CRACR2A: variants seen among roughly 807,000 people sequenced by gnomAD.
The protein encoded by CRACR2A is calcium release activated channel regulator 2A, also known as EF-hand calcium-binding domain-containing protein 4B.
A neutral mutation model predicts 90.5 loss-of-function variants in CRACR2A; 79 were observed. The ratio of observed to expected loss-of-function variants is 0.87; its 90% CI spans 0.73 to 1.05. The LOEUF (loss-of-function observed/expected upper bound fraction) is 1.05, where lower values mean the gene tolerates loss of function less well. Ranked by LOEUF, CRACR2A falls within the 50% of genes least tolerant of loss-of-function variation. The pLI is 0.00. For synonymous variants in CRACR2A, 338 were observed against 356.7 expected (o/e 0.95, Z 0.59); for missense variants, 823 against 897.2 (o/e 0.92, Z 1.06).
At chr12:3,677,075 C>G (rs1048033292) in intron 6 of CRACR2A, among the ~76,000 whole-genome samples, 4 of 152,092 alleles carry the variant, frequency 2.6e-5, no homozygotes, top group African/African-American at 9.7e-5. Context: ...AGTCAAAGTG[C>G]AGATGCCCAG....
intron 6 of CRACR2A, among the ~76,000 whole-genome samples, chr12:3,677,114 AC>A (rs908700350): frequency 6.6e-6 from 1 of 151,940 alleles, no homozygotes; most frequent in Non-Finnish European, 1.5e-5. Flanking sequence ...CACCAAGGCC[AC>A]CCCTCCTGGG....
At chr12:3,743,740 T>C (rs781098748) in intron 1 of CRACR2A, among the ~76,000 whole-genome samples, 1 of 152,150 alleles carries the variant, frequency 6.6e-6, no homozygotes, top group Admixed American at 6.5e-5. Flanking sequence ...CAGAAGTTTG[T>C]TGAATGCTTT....
intron 4 of CRACR2A, among the ~76,000 whole-genome samples, chr12:3,696,016 AAATATCAAAAGAAT>A (rs1945733689): frequency 6.6e-6 from 1 of 152,264 alleles, no homozygotes; most frequent in South Asian, 2.1e-4. Flanking sequence ...GGTCAAAAAG[AAATATCAAAAGAAT>A]AACAGTACTT....
At chr12:3,714,722 T>A (rs1045943250) in intron 2 of CRACR2A, among the ~76,000 whole-genome samples, 1 of 152,240 alleles carries the variant, frequency 6.6e-6, no homozygotes, top group Non-Finnish European at 1.5e-5. Flanking sequence ...TATTTTTTAA[T>A]GAGAAGATTG....
At chr12:3,666,411 C>A (rs1945152769) in intron 7 of CRACR2A, among the ~76,000 whole-genome samples, 1 of 151,632 alleles carries the variant, frequency 6.6e-6, no homozygotes, top group Non-Finnish European at 1.5e-5. Context: ...ACATCTGGTG[C>A]TGGGTTACTG....
rs184311357 is a variant in CRACR2A at position 3,672,874 on chromosome 12, C to T, written c.671+572G>A. 43 of 907,550 alleles carry T rather than the reference C, an allele frequency of 4.7e-5. No individual in the cohort carries two copies. The East Asian group carries it at 1.3e-3, about 28-fold the overall frequency. The allele number at this position is 907,550 out of a possible 1,614,324, so 56.2% of individuals were successfully genotyped here. A position where few individuals can be genotyped will look rare whatever the true frequency, so the allele number is the denominator to read the frequency against. ...TAGGGTAGACGAAGAGACATGAGGCCGTGACGGGAGAGAGCGGCCAGGAGG... is the reference window on the plus strand; with the variant it reads ...TAGGGTAGACGAAGAGACATGAGGCTGTGACGGGAGAGAGCGGCCAGGAGG... On this transcript the variant is annotated intron_variant, in intron 7 of 19. Transcript: ENST00000440314.
At chr12:3,639,028 C>G (rs1349755612) in intron 13 of CRACR2A, among the ~76,000 whole-genome samples, 1 of 152,170 alleles carries the variant, frequency 6.6e-6, no homozygotes, top group African/African-American at 2.4e-5. Context: ...TAAGTCAATG[C>G]ATAAAAACAG....
chr12:3,625,324 G>A (rs1944236477), intron 17 of CRACR2A, among the ~76,000 whole-genome samples: 1 of 151,836 alleles, frequency 6.6e-6, no homozygotes, highest in Non-Finnish European at 1.5e-5. Flanking sequence ...TGTGATGATG[G>A]TCTTCTGAGA....
intron 7 of CRACR2A, among the ~76,000 whole-genome samples, chr12:3,665,314 C>T (rs922228568): frequency 5.3e-5 from 8 of 152,208 alleles, no homozygotes; most frequent in East Asian, 3.9e-4. Flanking sequence ...GGTCACAGAC[C>T]GTTTGCTGAC....
At chr12:3,716,867 G>A (rs1946090759) in intron 2 of CRACR2A, among the ~76,000 whole-genome samples, 2 of 152,122 alleles carry the variant, frequency 1.3e-5, no homozygotes, top group African/African-American at 4.8e-5. Flanking sequence ...CTGTTCAGAT[G>A]TTATACCAAG....
At chr12:3,622,387 G>T (rs1415477665) in intron 17 of CRACR2A, among the ~76,000 whole-genome samples, 1 of 152,092 alleles carries the variant, frequency 6.6e-6, no homozygotes, top group African/African-American at 2.4e-5. Flanking sequence ...CCTCTTTTCT[G>T]TGTCTCTCTG....
intron 18 of CRACR2A, among the ~76,000 whole-genome samples, chr12:3,617,924 C>G (rs145287885): frequency 1.3e-5 from 2 of 152,298 alleles, no homozygotes; most frequent in East Asian, 3.9e-4. Context: ...GCCCTTTTCA[C>G]CCAGCCCCAT....
intron 9 of CRACR2A, 23 bp from the exon 10 acceptor site, chr12:3,654,422 G>A (rs764978993): frequency 1.1e-5 from 17 of 1,567,956 alleles, no homozygotes; most frequent in East Asian, 2.3e-5. Context: ...GGGGAGCAGA[G>A]GGGAATGAGG....
At chr12:3,697,777 A>C (rs1324679933) in intron 3 of CRACR2A, among the ~76,000 whole-genome samples, 1 of 152,188 alleles carries the variant, frequency 6.6e-6, no homozygotes, top group Non-Finnish European at 1.5e-5. Context: ...ATTCTCAAGG[A>C]GCTTCATGTT....
At chr12:3,752,864 T>TCC (rs59924826) in intron 1 of CRACR2A, among the ~76,000 whole-genome samples, 151 bp downstream of exon 1, 2 of 151,724 alleles carry the variant, frequency 1.3e-5, no homozygotes, top group Admixed American at 6.6e-5. Flanking sequence ...AGCCAGCTGT[T>TCC]CCCCCCCAAG....
intron 3 of CRACR2A, among the ~76,000 whole-genome samples, chr12:3,710,249 T>C (rs989704453): frequency 2.0e-5 from 3 of 152,208 alleles, no homozygotes; most frequent in Admixed American, 6.5e-5. Flanking sequence ...TCTTCAAATA[T>C]ATAGCTCAGT....
At chr12:3,730,109 A>C (rs1009212730) in intron 2 of CRACR2A, 12 of 152,184 alleles carry the variant, frequency 7.9e-5, no homozygotes, top group African/African-American at 2.9e-4. Context: ...AAATGGGCCG[A>C]GTGGGCAGGG....
chr12:3,723,897 G>A (rs1411047775), intron 2 of CRACR2A, among the ~76,000 whole-genome samples: 2 of 152,158 alleles, frequency 1.3e-5, no homozygotes, highest in East Asian at 3.9e-4. Context: ...TCCATAGAAG[G>A]AAGAGATCTC....
intron 13 of CRACR2A, 147 bp from the exon 14 acceptor site, chr12:3,638,601 G>A (rs1198314841): frequency 6.8e-6 from 6 of 879,138 alleles, no homozygotes; most frequent in Non-Finnish European, 1.7e-6. Flanking sequence ...AAACAAACCA[G>A]CCAGCATTCT....
Sources: allele counts gnomAD v4.1 joint callset (sites outside exome capture counted in the v4.1 genomes callset), GRCh38; gene constraint gnomAD v4.1.1; transcripts MANE v1.5; gene names NCBI Gene and HGNC (gene_info 2026-07-23, HGNC 2026-07-21).